WIPF1: variants seen among roughly 807,000 people sequenced by gnomAD.
WIPF1 encodes the protein WAS/WASL-interacting protein family member 1.
WIPF1 carries 13 observed loss-of-function variants against 35.4 expected under a neutral mutation model. The ratio of observed to expected loss-of-function variants is 0.37; its 90% confidence interval spans 0.24 to 0.58. The LOEUF (loss-of-function observed/expected upper bound fraction) is 0.58. Among genes scored for constraint, WIPF1 ranks in the 20% least tolerant of loss-of-function variants. The pLI, the probability that WIPF1 is intolerant of heterozygous loss-of-function variation, is 0.74. For synonymous variants in WIPF1, 267 were observed against 266.3 expected, an observed-to-expected ratio of 1.00 and a Z score of -0.02; for missense variants, 591 against 667.0, an observed-to-expected ratio of 0.89 and a Z score of 1.25.
chr2:174,640,578 TG>T (rs1687276466), intron 1 of WIPF1, among the ~76,000 whole-genome samples: 1 of 151,940 alleles, frequency 6.6e-6, no homozygotes, highest in Non-Finnish European at 1.5e-5. Context: ...CCCATGTACA[TG>T]GATTTTATAT....
intron 5 of WIPF1, among the ~76,000 whole-genome samples, chr2:174,569,018 T>TA (rs1036245227): frequency 7.2e-5 from 11 of 151,880 alleles, no homozygotes; most frequent in East Asian, 1.9e-4. Context: ...GTAAGTAAAT[T>TA]AAAAAAAACA....
Position 174,572,069 on chromosome 2 carries a change from A to G in WIPF1, c.736T>C (p.Phe246Leu). 1 of 1,555,152 alleles carries G rather than the reference A, an allele frequency of 6.4e-7. No individual in the cohort carries two copies. Among genetic ancestry groups the G allele is most frequent in the South Asian group, 1.2e-5 (1 of 80,824 alleles). The change falls in exon 5 of 8, where the codon TTC (phenylalanine) becomes CTC (leucine). Residue 246 changes from phenylalanine (F) to leucine (L), a missense_variant. Transcript: ENST00000679041. ...GGCGGCAGGGGAGGCCGGTTGGAGA[A>G]GGGCGAGGAGGAGCTCAAGGGGGAC... ...RQSPLSSSSP[F>L]SNRPPLPPTP...
intron 1 of WIPF1, among the ~76,000 whole-genome samples, chr2:174,623,669 A>ATT (rs1686743244): frequency 2.6e-5 from 4 of 152,222 alleles, no homozygotes; most frequent in African/African-American, 9.7e-5. Context: ...TGTAGCCAAC[A>ATT]AACTGCAGTA....
Position 174,575,250 on chromosome 2 carries a change from G to C in WIPF1, c.312C>G (p.Phe104Leu). ...ATCTCAGCTTCGGCATTCCAGCCTG[G>C]AACAATCCTCCCAGACCTGGAGGTC... ...GGGPPGLGGLFQAGMPKLRST... is the reference protein window; with the variant it reads ...GGGPPGLGGLLQAGMPKLRST... The change falls in exon 4 of 8, where the codon TTC (phenylalanine) becomes TTG (leucine). Residue 104 changes from phenylalanine to leucine, a missense_variant. Phe to Leu is a conservative substitution (Grantham distance 22). Transcript: ENST00000679041. 1.9e-6 allele frequency: 3 copies of C among 1,613,806 alleles called. No individual in the cohort carries two copies. Among genetic ancestry groups the C allele is most frequent in the Non-Finnish European group, 2.5e-6 (3 of 1,179,844 alleles).
In WIPF1 at chr2:174,573,271, GA is replaced by G. The variant is rs5836465; in HGVS notation, c.359-826del. ...ATCTCTTGGAACTCAAGGTAATTCT[GA>G]AAAAAAAAAAAAAAATCTACCCATT... On this transcript the variant is annotated intron_variant, in intron 4 of 7. Transcript: ENST00000679041. 3.8e-3 allele frequency among the ~76,000 whole-genome samples: 525 copies of G among 138,446 alleles called. 2 individuals are homozygous for G. Among genetic ancestry groups the G allele is most frequent in the African/African-American group, 9.7e-3 (362 of 37,510 alleles). 90.8% of individuals were successfully genotyped at this position (138,446 alleles called of 152,430 possible).
At chr2:174,635,733 T>TA (rs1324303050) in intron 1 of WIPF1, among the ~76,000 whole-genome samples, 13 of 150,564 alleles carry the variant, frequency 8.6e-5, no homozygotes, top group Admixed American at 2.6e-4. Context: ...ATGATTATTT[T>TA]TAAAAAAATG....
chr2:174,576,238 A>ACAACAACAAC (rs1685057334), intron 3 of WIPF1, among the ~76,000 whole-genome samples: 1 of 151,664 alleles, frequency 6.6e-6, no homozygotes, highest in African/African-American at 2.4e-5. Flanking sequence ...AGCAAAAAAA[A>ACAACAACAAC]AAAAAAAAAA....
rs1684494162 is a variant in WIPF1, at chr2:174,561,912, A to G, written c.*635T>C. ...AAAAAATAATATAAAATATCTCATT[A>G]AAATTTTATGTTGATTACAGGTTGA... is the stretch of plus-strand genomic sequence containing the variant. On this transcript the variant is annotated 3_prime_UTR_variant, in exon 8 of 8. Transcript: ENST00000679041. The G allele has an allele frequency of 3.9e-6, 3 of 761,404 alleles. No individual in the cohort carries two copies. The East Asian group carries it at 8.3e-5, about 21-fold the overall frequency. 47.2% of individuals were successfully genotyped at this position (761,404 alleles called of 1,614,324 possible).
rs112201736 is a variant in WIPF1, at chr2:174,564,899, C to CT, written c.1456+2170dup. ...TGTGAAAACTTACTTTTCACTAACACTTTTTTTTTTTTTTTGAGATGGAGT... is the reference window on the plus strand; with the variant it reads ...TGTGAAAACTTACTTTTCACTAACACTTTTTTTTTTTTTTTTGAGATGGAGT... On this transcript the variant is annotated intron_variant, in intron 7 of 7. Coordinates refer to ENST00000679041, the MANE Select transcript of WIPF1 (RefSeq NM_001375834.1). 9.6e-3 allele frequency among the ~76,000 whole-genome samples: 1,350 copies of CT among 140,914 alleles called. 5 individuals are homozygous for CT. Among genetic ancestry groups the CT allele is most frequent in the Non-Finnish European group, 0.015 (987 of 64,254 alleles). 92.4% of individuals were successfully genotyped at this position (140,914 alleles called of 152,430 possible).
chr2:174,632,191 G>A (rs1443775699), intron 1 of WIPF1, among the ~76,000 whole-genome samples: 1 of 152,106 alleles, frequency 6.6e-6, no homozygotes, highest in Non-Finnish European at 1.5e-5. Flanking sequence ...CCACCCAACA[G>A]GATCTGTTAC....
At chr2:174,633,107 T>G (rs1485594816) in intron 1 of WIPF1, among the ~76,000 whole-genome samples, 1 of 152,216 alleles carries the variant, frequency 6.6e-6, no homozygotes, top group Non-Finnish European at 1.5e-5. Context: ...GCACGGGGTT[T>G]CTGAAACCAC....
chr2:174,649,850 C>T (rs1342894200), intron 1 of WIPF1, among the ~76,000 whole-genome samples: 3 of 152,202 alleles, frequency 2.0e-5, no homozygotes, highest in African/African-American at 7.2e-5. Context: ...GTAATTTCTA[C>T]TTTATGCATG....
At chr2:174,647,970 G>C (rs1687452348) in intron 1 of WIPF1, among the ~76,000 whole-genome samples, 1 of 152,188 alleles carries the variant, frequency 6.6e-6, no homozygotes, top group South Asian at 2.1e-4. Flanking sequence ...CGGACCATGT[G>C]GGGTCTCAAG....
chr2:174,663,717 T>C (rs1687829650), intron 1 of WIPF1, among the ~76,000 whole-genome samples: 1 of 152,212 alleles, frequency 6.6e-6, no homozygotes, highest in Non-Finnish European at 1.5e-5. Flanking sequence ...TTTTTTATCT[T>C]TTTCCATTTA....
chr2:174,617,165 G>C (rs1686531466), intron 1 of WIPF1, among the ~76,000 whole-genome samples: 1 of 152,056 alleles, frequency 6.6e-6, no homozygotes, highest in Admixed American at 6.6e-5. Flanking sequence ...TAATATTCAA[G>C]CTGGGTACAA....
intron 1 of WIPF1, among the ~76,000 whole-genome samples, chr2:174,653,517 T>C (rs1574861980): frequency 2.6e-5 from 4 of 151,528 alleles, no homozygotes; most frequent in Non-Finnish European, 4.4e-5. Flanking sequence ...GGGCAGATCA[T>C]GAGGTCAGGA....
At chr2:174,600,912 CTTTTTTTTT>C (rs1157973597), upstream of WIPF1, among the ~76,000 whole-genome samples, 1,328 of 65,256 alleles carry the variant, frequency 0.02, 19 homozygotes, top group African/African-American at 0.064. Flanking sequence ...CATAATGTTC[CTTTTTTTTT>C]TTTTTTTTTT....
intron 1 of WIPF1, among the ~76,000 whole-genome samples, chr2:174,627,166 G>A (rs1198265816): frequency 6.6e-6 from 1 of 152,066 alleles, no homozygotes; most frequent in Non-Finnish European, 1.5e-5. Context: ...GCTCCTCCTA[G>A]CCCCGCTAGA....
chr2:174,629,918 G>A (rs1343990453), intron 1 of WIPF1: 1 of 152,186 alleles, frequency 6.6e-6, no homozygotes, highest in Non-Finnish European at 1.5e-5. Context: ...GTAAAGCAGT[G>A]ACTTACTGAA....
Sources: gnomAD v4.1 joint callset for allele counts (sites outside exome capture counted in the v4.1 genomes callset) on GRCh38, gnomAD v4.1.1 for gene constraint, MANE v1.5 for transcripts, NCBI Gene and HGNC (gene_info 2026-07-23, HGNC 2026-07-21) for gene names.